NTM: variants seen among roughly 807,000 people sequenced by gnomAD.
The protein encoded by NTM is IgLON family member 2.
A neutral mutation model predicts 42.1 loss-of-function variants in NTM; 13 were observed. That is an observed-to-expected ratio of 0.31 (90% CI 0.20 to 0.49). The LOEUF is 0.49. Among genes scored for constraint, NTM ranks in the 20% least tolerant of loss-of-function variants. The pLI, the probability that NTM is intolerant of heterozygous loss-of-function variation, is 0.99. For missense variants in NTM, 373 were observed against 452.8 expected, an observed-to-expected ratio of 0.82 and a Z score of 1.60; for synonymous variants, 187 against 179.2, an observed-to-expected ratio of 1.04 and a Z score of -0.35.
At chr11:132,022,913 G>A (rs771070138) in intron 2 of NTM, among the ~76,000 whole-genome samples, 5 of 152,134 alleles carry the variant, frequency 3.3e-5, no homozygotes, top group South Asian at 2.1e-4. Context: ...ATGGGATCCC[G>A]GTTTTCTTCT....
At chr11:131,643,108 G>T (rs1248430633) in intron 1 of NTM, among the ~76,000 whole-genome samples, 1 of 151,396 alleles carries the variant, frequency 6.6e-6, no homozygotes, top group South Asian at 2.1e-4. Context: ...GGAAAAGAGA[G>T]ATCATATTTC....
chr11:131,847,231 TACTC>T (rs2045016019), intron 1 of NTM, among the ~76,000 whole-genome samples: 1 of 152,132 alleles, frequency 6.6e-6, no homozygotes, highest in Non-Finnish European at 1.5e-5. Context: ...ATTAAGTGAT[TACTC>T]AATAGCAAAC....
At chr11:131,711,321 T>G (rs932748071) in intron 1 of NTM, among the ~76,000 whole-genome samples, 8 of 152,152 alleles carry the variant, frequency 5.3e-5, no homozygotes, top group South Asian at 2.1e-4. Flanking sequence ...GTGGGCGAAG[T>G]ACATGAACAG....
intron 2 of NTM, among the ~76,000 whole-genome samples, chr11:131,949,479 T>G (rs1349256355): frequency 1.3e-5 from 2 of 152,210 alleles, no homozygotes; most frequent in African/African-American, 4.8e-5. Context: ...ACCTGTTTCT[T>G]TGTTCTTATT....
At chr11:131,637,204 G>A (rs80177105) in intron 1 of NTM, among the ~76,000 whole-genome samples, 10 of 152,092 alleles carry the variant, frequency 6.6e-5, no homozygotes, top group African/African-American at 2.4e-4. Flanking sequence ...TGCATAGCCA[G>A]GACATCCATC....
chr11:131,604,580 A>G (rs1371248710), intron 1 of NTM, among the ~76,000 whole-genome samples: 1 of 151,602 alleles, frequency 6.6e-6, no homozygotes, highest in Admixed American at 6.6e-5. Flanking sequence ...TTGTTGTCAT[A>G]TCTAAGAAGC....
At chr11:131,799,620 T>C (rs1023890695) in intron 1 of NTM, among the ~76,000 whole-genome samples, 1 of 152,126 alleles carries the variant, frequency 6.6e-6, no homozygotes, top group Non-Finnish European at 1.5e-5. Context: ...TTTGTTTCCA[T>C]CTGTCCACCA....
chr11:132,048,278 C>G (rs145223887), intron 2 of NTM, among the ~76,000 whole-genome samples: 1 of 152,142 alleles, frequency 6.6e-6, no homozygotes, highest in Non-Finnish European at 1.5e-5. Flanking sequence ...CTCCCTTCAG[C>G]GGCAAAGCAG....
At chr11:132,058,484 C>G (rs1277919377) in intron 2 of NTM, among the ~76,000 whole-genome samples, 1 of 152,138 alleles carries the variant, frequency 6.6e-6, no homozygotes, top group Non-Finnish European at 1.5e-5. Context: ...CTGACTTCTC[C>G]CACTGCAATG....
At chr11:131,386,219 A>G (rs1390508044) in intron 1 of NTM, among the ~76,000 whole-genome samples, 1 of 152,220 alleles carries the variant, frequency 6.6e-6, no homozygotes, top group Non-Finnish European at 1.5e-5. Flanking sequence ...GCCAGACACC[A>G]AAGGACCGAT....
intron 1 of NTM, among the ~76,000 whole-genome samples, chr11:131,817,199 T>G (rs1005961147): frequency 1.3e-5 from 2 of 152,242 alleles, no homozygotes; most frequent in African/African-American, 4.8e-5. Context: ...CAGGCTGTTC[T>G]GAGTACCTGT....
At chr11:131,894,663 C>T (rs368825382) in intron 1 of NTM, among the ~76,000 whole-genome samples, 47 of 152,138 alleles carry the variant, frequency 3.1e-4, no homozygotes, top group African/African-American at 9.7e-4. Flanking sequence ...GGCTGTCCAT[C>T]GCCTCACCTC....
chr11:132,089,854 C>T (rs2060182865), intron 2 of NTM, among the ~76,000 whole-genome samples: 7 of 152,088 alleles, frequency 4.6e-5, no homozygotes, highest in Admixed American at 4.6e-4. Flanking sequence ...CAAACTAGAT[C>T]CTGTTCAGAA....
At chr11:131,449,248 G>A (rs1244304998) in intron 1 of NTM, among the ~76,000 whole-genome samples, 4 of 152,158 alleles carry the variant, frequency 2.6e-5, no homozygotes, top group African/African-American at 9.6e-5. Flanking sequence ...GACAGCCGGG[G>A]ACTGCTGGCT....
intron 1 of NTM, among the ~76,000 whole-genome samples, chr11:131,657,924 T>G (rs1356647460): frequency 6.6e-6 from 1 of 152,080 alleles, no homozygotes; most frequent in Non-Finnish European, 1.5e-5. Context: ...AGCAAGCTGT[T>G]GAGTATGAGG....
rs2070376451 is a variant in NTM at position 132,146,215 on chromosome 11, G to A, written c.168-67G>A. On this transcript the variant is annotated intron_variant, in intron 2 of 8. Coordinates refer to ENST00000683400, the MANE Select transcript of NTM (RefSeq NM_001352005.2). This position sits in a 1 kb window ranked among gnomAD's most constrained non-coding sequence, Gnocchi z 4.5. The stretch of plus-strand genomic sequence containing the variant: ...ACAAGATATTCTAGCCTTGCCATGA[G>A]GACCTCCCTCTGATGGCTGCTGTCG... 6.3e-7 allele frequency: 1 copy of A among 1,587,348 alleles called. No homozygotes were observed. The highest frequency in any genetic ancestry group is 2.3e-5 in the East Asian group (1 of 44,340).
chr11:132,021,609 A>G (rs2135528874), intron 2 of NTM, among the ~76,000 whole-genome samples: 1 of 152,288 alleles, frequency 6.6e-6, no homozygotes, highest in African/African-American at 2.4e-5. Flanking sequence ...CTATGCATGA[A>G]CAGTCACTAA....
At chr11:131,911,323 G>C (rs1424573646) in intron 1 of NTM, 1 of 1,467,678 alleles carries the variant, frequency 6.8e-7, no homozygotes, top group Non-Finnish European at 9.0e-7. Flanking sequence ...ATTAGACTCG[G>C]AGGAGTCTGC....
chr11:131,416,616 C>G (rs1432358869), intron 1 of NTM, among the ~76,000 whole-genome samples: 3 of 152,190 alleles, frequency 2.0e-5, no homozygotes, highest in Admixed American at 6.5e-5. Context: ...CAGATTCAGT[C>G]TAAACTTCCA....
Sources: gnomAD v4.1 joint callset for allele counts (sites outside exome capture counted in the v4.1 genomes callset) on GRCh38, gnomAD v4.1.1 for gene constraint, Gnocchi (gnomAD v3.1) non-coding constraint, MANE v1.5 for transcripts, NCBI Gene and HGNC (gene_info 2026-07-23, HGNC 2026-07-21) for gene names.